Variants in INTS4 observed in about 807,000 individuals in gnomAD.
INTS4 encodes MSTP093.
Under a neutral mutation model 119.5 loss-of-function variants are expected in INTS4, and 70 were observed. The observed-to-expected ratio is 0.59, with a 90% confidence interval of 0.48 to 0.71. The LOEUF is 0.71. INTS4 is among the 30% of genes least tolerant of loss of function. The pLI is 0.00. For synonymous variants in INTS4, 316 were observed against 419.6 expected, an observed-to-expected ratio of 0.75 and a Z score of 3.02; for missense variants, 867 against 1,173.2, an observed-to-expected ratio of 0.74 and a Z score of 3.81.
chr11:77,887,628 A>G (rs1278910237), intron 21 of INTS4, among the ~76,000 whole-genome samples: 1 of 152,208 alleles, frequency 6.6e-6, no homozygotes, highest in East Asian at 1.9e-4. Flanking sequence ...GAGGAAGTCA[A>G]ATTGTCCCTG....
chr11:77,975,669 C>G (rs1016014726), intron 4 of INTS4, among the ~76,000 whole-genome samples: 6 of 151,952 alleles, frequency 3.9e-5, no homozygotes, highest in Admixed American at 1.3e-4. Flanking sequence ...TATTAAGAAC[C>G]TCTACAGGCC....
intron 19 of INTS4, among the ~76,000 whole-genome samples, chr11:77,893,323 G>T (rs1264595134): frequency 6.6e-6 from 1 of 152,198 alleles, no homozygotes; most frequent in Non-Finnish European, 1.5e-5. Context: ...AGAACAGTGT[G>T]GGCCTGGTGC....
At chr11:77,941,028 T>G in intron 9 of INTS4, 152 bp downstream of exon 9, 2 of 1,160,848 alleles carry the variant, frequency 1.7e-6, no homozygotes, top group Non-Finnish European at 2.3e-6. Context: ...ACTTGTTATT[T>G]GCTTCAATTT....
At chr11:77,899,818 T>C (rs1008369665) in intron 18 of INTS4, among the ~76,000 whole-genome samples, 81 of 152,198 alleles carry the variant, frequency 5.3e-4, no homozygotes, top group Middle Eastern at 3.4e-3. Flanking sequence ...TATGGTATGA[T>C]CCCCTTTATG....
At chr11:77,918,416 C>CAAAAAA (rs34005455) in intron 15 of INTS4, 4 of 58,522 alleles carry the variant, frequency 6.8e-5, no homozygotes, top group East Asian at 6.1e-4. Context: ...GACCCTGTCT[C>CAAAAAA]AAAAAAAAAA....
rs568143396 is a variant in INTS4, at chr11:77,918,221, C to T, written c.1922+600G>A. On this transcript the variant is annotated intron_variant, in intron 15 of 22. Transcript: ENST00000534064. Reference sequence around the variant, plus strand: ...CCGAGGCGGGAGGATCACTTGAGCTCAGGAGTTTGAGACCAGCCTGGCCAC... The same window carrying T: ...CCGAGGCGGGAGGATCACTTGAGCTTAGGAGTTTGAGACCAGCCTGGCCAC... The T allele has an allele frequency of 3.9e-4, 253 of 643,332 alleles. 1 individual carries two copies. Among genetic ancestry groups the T allele is most frequent in the Non-Finnish European group, 6.2e-4 (219 of 350,552 alleles). 39.9% of individuals were successfully genotyped at this position (643,332 alleles called of 1,614,324 possible). A position where few individuals can be genotyped will look rare whatever the true frequency, so the allele number is the denominator to read the frequency against.
chr11:77,968,228 T>TA (rs1175111357), intron 4 of INTS4, among the ~76,000 whole-genome samples: 1 of 152,112 alleles, frequency 6.6e-6, no homozygotes. Flanking sequence ...TTGATATCCT[T>TA]AAAAAAATAC....
downstream of INTS4, among the ~76,000 whole-genome samples, chr11:77,874,391 T>C (rs1481053551): frequency 6.7e-6 from 1 of 149,284 alleles, no homozygotes; most frequent in Admixed American, 6.7e-5. Flanking sequence ...TTTTTTTTGG[T>C]CAAATGTAAG....
intron 2 of INTS4, among the ~76,000 whole-genome samples, chr11:77,985,497 C>T (rs2136656804): frequency 6.6e-6 from 1 of 152,334 alleles, no homozygotes; most frequent in African/African-American, 2.4e-5. Context: ...ATCGCTACCA[C>T]TCTATAATGC....
intron 22 of INTS4, among the ~76,000 whole-genome samples, chr11:77,880,352 T>G (rs942335599): frequency 1.3e-5 from 2 of 152,166 alleles, no homozygotes; most frequent in African/African-American, 4.8e-5. Context: ...GGGAAAGGTT[T>G]GCAGTCAGCC....
At chr11:77,981,903 T>C (rs1421567163) in intron 2 of INTS4, among the ~76,000 whole-genome samples, 1 of 152,064 alleles carries the variant, frequency 6.6e-6, no homozygotes, top group African/African-American at 2.4e-5. Flanking sequence ...GCAAAGTGAA[T>C]GAGAACTTTT....
chr11:77,934,744 T>A (rs1337728486), intron 10 of INTS4, among the ~76,000 whole-genome samples: 1 of 152,234 alleles, frequency 6.6e-6, no homozygotes, highest in Non-Finnish European at 1.5e-5. Flanking sequence ...ACTTCCTTAT[T>A]ATCCAATATT....
At chr11:77,985,094 C>T (rs752230711) in intron 2 of INTS4, among the ~76,000 whole-genome samples, 10 of 152,156 alleles carry the variant, frequency 6.6e-5, no homozygotes, top group Admixed American at 3.9e-4. Flanking sequence ...GGGAAGCCTT[C>T]TCTAATAATT....
In INTS4 at chr11:77,886,812, C is replaced by T. The variant is rs536751601; in HGVS notation, c.2593-2860G>A. On this transcript the variant is annotated intron_variant, in intron 21 of 22. Coordinates refer to ENST00000534064, the MANE Select transcript of INTS4 (RefSeq NM_033547.4). Reference sequence around the variant, plus strand: ...AAGAAACTCACTCAAAACCGCTCAACTACATGGAAACTGAACAACCTGCTC... The same window carrying T: ...AAGAAACTCACTCAAAACCGCTCAATTACATGGAAACTGAACAACCTGCTC... Among the ~76,000 whole-genome samples, 50 of 152,238 alleles carry T rather than the reference C, an allele frequency of 3.3e-4. 1 individual carries two copies. In the South Asian group the frequency reaches 0.01, roughly 31 times the overall value.
At position 77,955,985 on chromosome 11, in the gene INTS4, C is replaced by G. The variant is rs780827903; in HGVS notation, c.875G>C (p.Ser292Thr). The change falls in exon 8 of 23, where the codon AGT becomes ACT. Residue 292 changes from serine to threonine, a missense_variant. Physicochemically the swap from Ser to Thr is moderately conservative, Grantham distance 58. Transcript: ENST00000534064. ...DAFGKICHMV[S>T]DGSWVVRVQA... ...AACACGAACCACCCAAGAGCCATCA[C>G]TGACCATGTGACAAATTTTGCCAAA... 6.2e-7 allele frequency: 1 copy of G among 1,611,552 alleles called. No individual in the cohort carries two copies. The highest frequency in any genetic ancestry group is 1.3e-5 in the African/African-American group (1 of 74,828).
In INTS4 at chr11:77,956,237, C is replaced by T. The variant is rs1051393268; in HGVS notation, c.798-175G>A. Among the ~76,000 whole-genome samples the T allele has an allele frequency of 2.6e-5, 4 of 152,082 alleles. 1 individual carries two copies. Among genetic ancestry groups the T allele is most frequent in the Admixed American group, 2.0e-4 (3 of 15,272 alleles). ...CAACCTGAGCAATATGGCAAAACCT[C>T]ATCTCTACAAAAAAAATACAAAAAT... On this transcript the variant is annotated intron_variant, in intron 7 of 22. Coordinates refer to ENST00000534064, the MANE Select transcript of INTS4 (RefSeq NM_033547.4).
intron 3 of INTS4, among the ~76,000 whole-genome samples, chr11:77,980,247 C>T (rs184830928): frequency 1.2e-3 from 176 of 152,250 alleles, no homozygotes; most frequent in African/African-American, 3.9e-3. Flanking sequence ...TTCTTGACCC[C>T]ACTCCCCACT....
intron 4 of INTS4, among the ~76,000 whole-genome samples, chr11:77,971,374 G>T (rs73501847): frequency 6.6e-6 from 1 of 151,882 alleles, no homozygotes; most frequent in African/African-American, 2.4e-5. Flanking sequence ...CCAGCTGGGC[G>T]AAGTGGCTCA....
chr11:77,976,724 C>T (rs1591134626), intron 4 of INTS4, among the ~76,000 whole-genome samples: 1 of 152,184 alleles, frequency 6.6e-6, no homozygotes, highest in African/African-American at 2.4e-5. Flanking sequence ...GGCACATATA[C>T]ACCATGGAAT....
Sources: allele counts gnomAD v4.1 joint callset (sites outside exome capture counted in the v4.1 genomes callset), GRCh38; gene constraint gnomAD v4.1.1; transcripts MANE v1.5; gene names NCBI Gene and HGNC (gene_info 2026-07-23, HGNC 2026-07-21).